PDE4A: variants seen among roughly 807,000 people sequenced by gnomAD.
PDE4A encodes the protein 3',5'-cyclic-AMP phosphodiesterase 4A.
In PDE4A, 21 loss-of-function variants were observed where a neutral mutation model predicts 73.9. The observed-to-expected ratio is 0.28, with a 90% CI of 0.20 to 0.41. PDE4A has a LOEUF of 0.41. Among genes scored for constraint, PDE4A ranks in the 10% least tolerant of loss-of-function variants. PDE4A has a pLI of 1.00. For missense variants in PDE4A, 958 were observed against 1,211.4 expected (o/e 0.79, Z 3.10); for synonymous variants, 463 against 505.4 (o/e 0.92, Z 1.13).
rs139573895 is a variant in PDE4A at position 10,462,783 on chromosome 19, C to T, written c.1743+784C>T. On this transcript the variant is annotated intron_variant, in intron 13 of 14. Coordinates refer to ENST00000380702, the MANE Select transcript of PDE4A (RefSeq NM_001111307.2). Reference sequence around the variant, plus strand: ...CTAACCATCTTCTCTTCCCTCACCCCCCTTCCGACTCCTCCCATATTTTCT... The same window carrying T: ...CTAACCATCTTCTCTTCCCTCACCCTCCTTCCGACTCCTCCCATATTTTCT... Among the ~76,000 whole-genome samples, 622 of 152,262 alleles carry T rather than the reference C, an allele frequency of 4.1e-3. 6 individuals are homozygous for T. Among genetic ancestry groups the T allele is most frequent in the African/African-American group, 0.014 (590 of 41,538 alleles).
chr19:10,450,484 C>G, intron 4 of PDE4A, 119 bp from the exon 5 acceptor site: 1 of 1,464,892 alleles, frequency 6.8e-7, no homozygotes, highest in Non-Finnish European at 9.0e-7. Context: ...TGGCAGCGTC[C>G]TTAGGACACG....
intron 1 of PDE4A, among the ~76,000 whole-genome samples, chr19:10,440,710 T>C (rs1049238367): frequency 8.5e-5 from 13 of 152,158 alleles, no homozygotes; most frequent in Non-Finnish European, 1.6e-4. Context: ...GCAGTTCTCG[T>C]GTTTTAGCCT....
chr19:10,460,372 G>A (rs915407743), intron 10 of PDE4A, among the ~76,000 whole-genome samples: 27 of 151,894 alleles, frequency 1.8e-4, no homozygotes, highest in South Asian at 1.5e-3. Context: ...GGTGGGGCAC[G>A]CCTGTAATCC....
chr19:10,420,935 G>A lies in PDE4A; in HGVS notation c.171G>A (p.Arg57=). The change falls in exon 1 of 15, where the codon CGG becomes CGA. Residue 57 remains arginine, a synonymous_variant. Coordinates refer to ENST00000380702, the MANE Select transcript of PDE4A (RefSeq NM_001111307.2). The surrounding 1 kb of genome is among the most constrained non-coding windows in gnomAD (Gnocchi z 6.0). ...CCGACAGCGCGGAGCGCGCCGAGCGGGAGCGGCAGCCGCACCGGCCCATAG... is the reference window on the plus strand; with the variant it reads ...CCGACAGCGCGGAGCGCGCCGAGCGAGAGCGGCAGCCGCACCGGCCCATAG... ...GYSDSAERAE[R]ERQPHRPIER... is the part of the protein sequence containing the mutation. The A allele has an allele frequency of 1.3e-6, 2 of 1,573,546 alleles. No individual in the cohort carries two copies. Among genetic ancestry groups the A allele is most frequent in the South Asian group, 1.1e-5 (1 of 87,592 alleles).
At chr19:10,429,272 A>C (rs1001121970) in intron 1 of PDE4A, among the ~76,000 whole-genome samples, 1 of 121,692 alleles carries the variant, frequency 8.2e-6, no homozygotes, top group African/African-American at 3.4e-5. Context: ...GGAAAGAAGG[A>C]AGGAAGGAAG....
Position 10,468,700 on chromosome 19 carries a change from G to C in PDE4A, c.*1079G>C, listed in dbSNP as rs1263667255. ...ACAGCCCCCCTACCTTTTGCCCTAG[G>C]AGGAAGCAATAATGGTGTATACCCT... On this transcript the variant is annotated 3_prime_UTR_variant, in exon 15 of 15. Coordinates refer to ENST00000380702, the MANE Select transcript of PDE4A (RefSeq NM_001111307.2). The C allele has an allele frequency of 1.3e-5, 2 of 151,646 alleles. No homozygotes were observed. The highest frequency in any genetic ancestry group is 4.9e-5 in the African/African-American group (2 of 41,012). 9.4% of individuals were successfully genotyped at this position (151,646 alleles called of 1,614,324 possible).
At chr19:10,459,265 G>A in intron 8 of PDE4A, 135 bp from the exon 9 acceptor site, 4 of 1,472,190 alleles carry the variant, frequency 2.7e-6, no homozygotes, top group East Asian at 2.4e-5. Flanking sequence ...AGTACATTCT[G>A]TGCTGTTGAA....
At chr19:10,432,523 C>T (rs1400178608) in intron 1 of PDE4A, 5 of 1,525,260 alleles carry the variant, frequency 3.3e-6, no homozygotes, top group Admixed American at 2.1e-5. Context: ...ACCCACTTCC[C>T]CTTCAGCGAT....
chr19:10,416,776 C>T, upstream of PDE4A: 3 of 1,481,672 alleles, frequency 2.0e-6, no homozygotes, highest in Non-Finnish European at 2.7e-6. Flanking sequence ...CCGCTGACGT[C>T]ACGCCCCAGG....
intron 10 of PDE4A, 57 bp from the exon 11 acceptor site, chr19:10,460,947 T>A: frequency 6.5e-7 from 1 of 1,550,068 alleles, no homozygotes; most frequent in Non-Finnish European, 8.8e-7. Flanking sequence ...AAACAGGTGC[T>A]CACCACCATG....
In PDE4A at chr19:10,423,283, G is replaced by C. The variant is rs529234134; in HGVS notation, c.320+2199G>C. The stretch of plus-strand genomic sequence containing the variant: ...AAGTGATTCTCCTGCCTCAGCCTCC[G>C]GAGTAGCTGGGATTACAGGCGCCCA... On this transcript the variant is annotated intron_variant, in intron 1 of 14. Transcript: ENST00000380702. The C allele has an allele frequency of 1.8e-5, 5 of 271,754 alleles. No individual in the cohort carries two copies. The Middle Eastern group carries it at 8.3e-3, about 449-fold the overall frequency. The allele number at this position is 271,754 out of a possible 1,614,324, so 16.8% of individuals were successfully genotyped here.
upstream of PDE4A, chr19:10,416,838 G>A: frequency 1.3e-6 from 2 of 1,532,444 alleles, no homozygotes; most frequent in Non-Finnish European, 1.7e-6. Context: ...CCGGCAGGGG[G>A]AGCCCTGGGG....
intron 1 of PDE4A, among the ~76,000 whole-genome samples, chr19:10,431,309 C>G (rs569082908): frequency 8.5e-5 from 13 of 152,350 alleles, no homozygotes; most frequent in African/African-American, 3.1e-4. Context: ...CCTGTGCAAA[C>G]CTGAAGCTGC....
At chr19:10,457,737 G>T in intron 7 of PDE4A, 142 bp from the exon 8 acceptor site, 3 of 1,441,538 alleles carry the variant, frequency 2.1e-6, no homozygotes, top group Non-Finnish European at 2.7e-6. Context: ...TCCTGACTCT[G>T]AGTAGCCAGC....
chr19:10,438,504 G>A (rs1343087432), intron 1 of PDE4A, among the ~76,000 whole-genome samples: 1 of 152,030 alleles, frequency 6.6e-6, no homozygotes, highest in Non-Finnish European at 1.5e-5. Context: ...TCTACTTTCT[G>A]TCTCTGAGTT....
chr19:10,452,571 G>A (rs1050504961), intron 6 of PDE4A, among the ~76,000 whole-genome samples: 2 of 151,712 alleles, frequency 1.3e-5, no homozygotes, highest in African/African-American at 2.4e-5. Flanking sequence ...CTCAGCTGTG[G>A]ACCTATAAGT....
At chr19:10,425,429 C>T (rs2042705420) in intron 1 of PDE4A, among the ~76,000 whole-genome samples, 1 of 152,096 alleles carries the variant, frequency 6.6e-6, no homozygotes, top group South Asian at 2.1e-4. Flanking sequence ...ATATGTTTGA[C>T]GTAGGTGCTG....
chr19:10,429,280 A>AAGAG (rs2042757507), intron 1 of PDE4A, among the ~76,000 whole-genome samples: 1 of 72,710 alleles, frequency 1.4e-5, no homozygotes, highest in Non-Finnish European at 2.9e-5. Flanking sequence ...GGAAGGAAGG[A>AAGAG]AGAAAGAAAG....
intron 1 of PDE4A, among the ~76,000 whole-genome samples, chr19:10,438,357 C>G (rs560781229): frequency 6.6e-6 from 1 of 151,988 alleles, no homozygotes; most frequent in African/African-American, 2.4e-5. Context: ...GTGATCCGCC[C>G]GCCTCCGCCT....
Sources: gnomAD v4.1 joint callset for allele counts (sites outside exome capture counted in the v4.1 genomes callset) on GRCh38, gnomAD v4.1.1 for gene constraint, Gnocchi (gnomAD v3.1) non-coding constraint, MANE v1.5 for transcripts, NCBI Gene and HGNC (gene_info 2026-07-23, HGNC 2026-07-21) for gene names.